Variants in RPH3A observed in about 807,000 individuals in gnomAD.
RPH3A encodes the protein rabphilin-3A.
A neutral mutation model predicts 102.2 loss-of-function variants in RPH3A; 48 were observed. The observed-to-expected ratio is 0.47, with a 90% CI of 0.37 to 0.60. The LOEUF (loss-of-function observed/expected upper bound fraction) is 0.60. RPH3A is among the 20% of genes least tolerant of loss of function. RPH3A has a pLI of 0.00. For missense variants in RPH3A, 781 were observed against 910.1 expected (o/e 0.86, Z 1.83); for synonymous variants, 310 against 324.3 (o/e 0.96, Z 0.47).
At chr12:112,599,483 C>A (rs150027775) in intron 1 of RPH3A, among the ~76,000 whole-genome samples, 1 of 152,114 alleles carries the variant, frequency 6.6e-6, no homozygotes, top group Non-Finnish European at 1.5e-5. Context: ...AGGTGAGAAC[C>A]TCTACTGTCA....
chr12:112,727,991 G>T (rs17825718), intron 1 of RPH3A, among the ~76,000 whole-genome samples: 23,666 of 152,108 alleles, frequency 0.16, 1,906 homozygotes, highest in South Asian at 0.21. Flanking sequence ...AATATGTAAA[G>T]TAGACCTACT....
At chr12:112,602,620 T>C (rs1256583370) in intron 1 of RPH3A, among the ~76,000 whole-genome samples, 1 of 152,108 alleles carries the variant, frequency 6.6e-6, no homozygotes, top group African/African-American at 2.4e-5. Flanking sequence ...TGAAGTTTTA[T>C]TAAAATGAAT....
At chr12:112,602,146 C>A (rs1196558483) in intron 1 of RPH3A, among the ~76,000 whole-genome samples, 3 of 152,130 alleles carry the variant, frequency 2.0e-5, no homozygotes, top group Non-Finnish European at 4.4e-5. Context: ...TCACGCCTTT[C>A]AAAATATGTC....
chr12:112,616,852 C>T (rs902365201), intron 1 of RPH3A, among the ~76,000 whole-genome samples: 1 of 152,214 alleles, frequency 6.6e-6, no homozygotes, highest in African/African-American at 2.4e-5. Flanking sequence ...TGGGAGCCTG[C>T]AGCTTCCTGG....
At position 112,826,191 on chromosome 12, in the gene RPH3A, A is replaced by T. The variant is rs116407595; in HGVS notation, c.-18-2110A>T. On this transcript the variant is annotated intron_variant, in intron 2 of 21. Coordinates refer to ENST00000389385, the MANE Select transcript of RPH3A (RefSeq NM_001143854.2). ...AATAAACCTACACGAAGGGATAGAG[A>T]GAGCCAGACAGGCATCTGCAAGAAG... is the stretch of plus-strand genomic sequence containing the variant. 3.6e-3 allele frequency among the ~76,000 whole-genome samples: 555 copies of T among 152,276 alleles called. 1 individual carries two copies. Among genetic ancestry groups the T allele is most frequent in the African/African-American group, 0.012 (506 of 41,534 alleles).
intron 1 of RPH3A, among the ~76,000 whole-genome samples, chr12:112,781,491 C>T (rs1226551396): frequency 6.6e-6 from 1 of 152,162 alleles, no homozygotes; most frequent in East Asian, 1.9e-4. Context: ...GCCTCCTCTT[C>T]TGTGTGGTTC....
intron 1 of RPH3A, among the ~76,000 whole-genome samples, chr12:112,710,565 G>A (rs550331980): frequency 1.5e-4 from 23 of 152,292 alleles, no homozygotes; most frequent in South Asian, 1.2e-3. Context: ...GTTGTGACAC[G>A]TCCTTAAGGT....
intron 1 of RPH3A, among the ~76,000 whole-genome samples, chr12:112,591,274 T>C (rs1168785722): frequency 1.3e-5 from 2 of 151,740 alleles, no homozygotes; most frequent in Non-Finnish European, 2.9e-5. Flanking sequence ...TTTTAGGAGA[T>C]AGGATTTTAC....
chr12:112,853,965 A>G (rs1042473205), intron 5 of RPH3A, among the ~76,000 whole-genome samples: 2 of 152,260 alleles, frequency 1.3e-5, no homozygotes, highest in East Asian at 3.8e-4. Context: ...TGCTTATCAA[A>G]TCACTTTACC....
chr12:112,889,440 C>T (rs1044908389), intron 17 of RPH3A, among the ~76,000 whole-genome samples: 1 of 152,256 alleles, frequency 6.6e-6, no homozygotes. Flanking sequence ...TCTTCTTTTG[C>T]TCTTTGCCAT....
At chr12:112,692,405 T>G (rs2040312954) in intron 1 of RPH3A, among the ~76,000 whole-genome samples, 1 of 152,178 alleles carries the variant, frequency 6.6e-6, no homozygotes, top group South Asian at 2.1e-4. Flanking sequence ...ATGTATCAAA[T>G]CAGCATTATA....
intron 14 of RPH3A, among the ~76,000 whole-genome samples, 177 bp from the exon 15 acceptor site, chr12:112,881,589 ACCCTGT>A (rs1383700194): frequency 6.6e-6 from 1 of 152,168 alleles, no homozygotes; most frequent in African/African-American, 2.4e-5. Context: ...CAGGTTTAAA[ACCCTGT>A]CTCCCATCCC....
chr12:112,669,241 A>G (rs1380439532), intron 1 of RPH3A, among the ~76,000 whole-genome samples: 1 of 152,244 alleles, frequency 6.6e-6, no homozygotes, highest in African/African-American at 2.4e-5. Context: ...CCTGAAAATG[A>G]CAATTAGGAG....
chr12:112,894,419 T>C, intron 19 of RPH3A, 159 bp from the exon 20 acceptor site: 1 of 690,546 alleles, frequency 1.4e-6, no homozygotes, highest in South Asian at 1.7e-5. Context: ...AAGTGCCTGG[T>C]ACCAAGCAGA....
At chr12:112,847,540 G>C (rs1367039690) in intron 4 of RPH3A, among the ~76,000 whole-genome samples, 156 bp from the exon 5 acceptor site, 2 of 152,256 alleles carry the variant, frequency 1.3e-5, no homozygotes, top group Non-Finnish European at 2.9e-5. Context: ...AGAAGCCTAA[G>C]AGGGAAGTAT....
In RPH3A at chr12:112,890,054, C is replaced by T. The variant is rs1180504350; in HGVS notation, c.1594C>T (p.Arg532Ter). 1.2e-6 allele frequency: 2 copies of T among 1,613,562 alleles called. No homozygotes were observed. Among genetic ancestry groups the T allele is most frequent in the African/African-American group, 1.3e-5 (1 of 75,000 alleles). Residue 532 changes from arginine (R) to a stop codon, truncating the protein, a stop_gained, in exon 18 of 22, where the codon CGA becomes TGA. Coordinates refer to ENST00000389385, the MANE Select transcript of RPH3A (RefSeq NM_001143854.2). LOFTEE classifies it high-confidence loss of function. ...ACGTGCTGGGACCACCGGGTCAGCC[C>T]GAGGCATGGCCCTTTATGAGGAAGA... ...MKRAGTTGSA[R>*]GMALYEEEQV...
chr12:112,892,272 A>G (rs922335551), intron 19 of RPH3A, among the ~76,000 whole-genome samples: 1 of 152,202 alleles, frequency 6.6e-6, no homozygotes, highest in Non-Finnish European at 1.5e-5. Flanking sequence ...GTAATACTGT[A>G]TATTAGTTCA....
chr12:112,612,327 G>A (rs767514494), intron 1 of RPH3A, among the ~76,000 whole-genome samples: 2 of 152,192 alleles, frequency 1.3e-5, no homozygotes, highest in Admixed American at 6.5e-5. Context: ...TTGAGGTTAA[G>A]TGTAGTTACT....
Position 112,748,608 on chromosome 12 carries a change from G to A in RPH3A, c.-139-43535G>A, listed in dbSNP as rs571539522. Among the ~76,000 whole-genome samples the A allele has an allele frequency of 1.0e-3, 153 of 152,242 alleles. 4 individuals are homozygous for A. The highest frequency in any genetic ancestry group is 1.0e-3 in the South Asian group (5 of 4,820). On this transcript the variant is annotated intron_variant, in intron 1 of 21. Coordinates refer to the RPH3A transcript ENST00000543106. ...CCTTGGCATCTCAAAGTGTTGGGAT[G>A]ACAGGTATGAGCCACCATGCCTGGC...
Sources: gnomAD v4.1 joint callset for allele counts (sites outside exome capture counted in the v4.1 genomes callset) on GRCh38, gnomAD v4.1.1 for gene constraint, MANE v1.5 for transcripts, NCBI Gene and HGNC (gene_info 2026-07-23, HGNC 2026-07-21) for gene names.